Variants in C10orf90 observed in about 807,000 individuals in gnomAD.
The protein encoded by C10orf90 is (E2-independent) E3 ubiquitin-conjugating enzyme FATS.
A neutral mutation model predicts 62.5 loss-of-function variants in C10orf90; 56 were observed. The ratio of observed to expected loss-of-function variants is 0.90; its 90% confidence interval spans 0.72 to 1.12. The LOEUF (loss-of-function observed/expected upper bound fraction) is 1.12, where lower values mean the gene tolerates loss of function less well. Ranked by LOEUF, C10orf90 falls within the 50% of genes most tolerant of loss-of-function variation. C10orf90 has a pLI of 0.00. For missense variants in C10orf90, 970 were observed against 880.4 expected, an observed-to-expected ratio of 1.10 and a Z score of -1.29; for synonymous variants, 386 against 340.4, an observed-to-expected ratio of 1.13 and a Z score of -1.47.
chr10:126,641,597 A>G (rs2133844246), intron 2 of C10orf90, among the ~76,000 whole-genome samples: 1 of 152,154 alleles, frequency 6.6e-6, no homozygotes, highest in Admixed American at 6.5e-5. Context: ...GCTGAACTAG[A>G]CACCTGACTT....
rs575203781 is a variant in C10orf90, at chr10:126,534,144, A to G, written c.314-20205T>C. On this transcript the variant is annotated intron_variant, in intron 2 of 9. Transcript: ENST00000488181. ...AGGCTGAGGATTTCATCTTGCCCCA[A>G]TGAGATCAGCTTTCCTCGAGAACCC... Among the ~76,000 whole-genome samples, 10 of 152,334 alleles carry G rather than the reference A, an allele frequency of 6.6e-5. No individual in the cohort carries two copies. In the East Asian group the frequency reaches 1.2e-3, roughly 18 times the overall value.
intron 2 of C10orf90, among the ~76,000 whole-genome samples, chr10:126,528,117 G>T (rs1863997937): frequency 6.6e-6 from 1 of 152,156 alleles, no homozygotes; most frequent in Admixed American, 6.5e-5. Flanking sequence ...CAGCTCTCCT[G>T]CCAGGTCCCA....
At chr10:126,497,842 AAACAGGC>A (rs1591015298) in intron 4 of C10orf90, among the ~76,000 whole-genome samples, 1 of 152,184 alleles carries the variant, frequency 6.6e-6, no homozygotes, top group East Asian at 1.9e-4. Context: ...CTATTTACAA[AAACAGGC>A]AGCAGGCTGG....
chr10:126,602,635 G>A (rs1845220698), intron 2 of C10orf90, among the ~76,000 whole-genome samples: 1 of 152,120 alleles, frequency 6.6e-6, no homozygotes, highest in Non-Finnish European at 1.5e-5. Context: ...ATAACCACAC[G>A]AGTGCTTTGA....
intron 2 of C10orf90, among the ~76,000 whole-genome samples, chr10:126,620,465 T>A (rs1338088071): frequency 6.6e-6 from 1 of 152,224 alleles, no homozygotes; most frequent in Non-Finnish European, 1.5e-5. Context: ...TTTAAAATAT[T>A]AAAATTCACG....
intron 7 of C10orf90, among the ~76,000 whole-genome samples, chr10:126,444,735 T>G (rs560040224): frequency 6.6e-6 from 1 of 151,834 alleles, no homozygotes; most frequent in South Asian, 2.1e-4. Context: ...GCAAAACAAA[T>G]AAATCTGGAG....
intron 7 of C10orf90, among the ~76,000 whole-genome samples, chr10:126,455,635 A>G (rs190656684): frequency 3.7e-4 from 56 of 152,320 alleles, no homozygotes; most frequent in East Asian, 1.4e-3. Flanking sequence ...AGACTTACGC[A>G]TTGTATTTAT....
At chr10:126,567,830 G>A (rs1208567913) in intron 2 of C10orf90, among the ~76,000 whole-genome samples, 1 of 152,166 alleles carries the variant, frequency 6.6e-6, no homozygotes, top group East Asian at 1.9e-4. Flanking sequence ...GTTTCCAAGG[G>A]AGAAGAAGCC....
rs542385507 is a variant in C10orf90, at chr10:126,501,209, C to A, written c.1534+2748G>T. Among the ~76,000 whole-genome samples, 13 of 152,326 alleles carry A rather than the reference C, an allele frequency of 8.5e-5. No individual in the cohort carries two copies. The South Asian group carries it at 1.5e-3, about 17-fold the overall frequency. On this transcript the variant is annotated intron_variant, in intron 4 of 9. Coordinates refer to ENST00000488181, the MANE Select transcript of C10orf90 (RefSeq NM_001350921.2). ...AGGTTTTGTGGAATCTGAAGGTCAG[C>A]AAGCTCACCCTCCACACGTTGTGCA...
intron 2 of C10orf90, among the ~76,000 whole-genome samples, chr10:126,603,354 C>T (rs181478426): frequency 2.0e-5 from 3 of 152,090 alleles, no homozygotes; most frequent in Admixed American, 6.5e-5. Flanking sequence ...AACCATCAGA[C>T]CTTGTGAGAA....
chr10:126,474,307 G>C (rs891254984), intron 4 of C10orf90, among the ~76,000 whole-genome samples: 13 of 152,306 alleles, frequency 8.5e-5, no homozygotes, highest in African/African-American at 2.9e-4. Flanking sequence ...GGCCCATCAA[G>C]TCTCCACTCT....
At chr10:126,594,443 G>A (rs1464721689) in intron 2 of C10orf90, among the ~76,000 whole-genome samples, 1 of 152,126 alleles carries the variant, frequency 6.6e-6, no homozygotes, top group Non-Finnish European at 1.5e-5. Context: ...CCTGAGTTAT[G>A]TGACTCACTT....
At position 126,575,746 on chromosome 10, in the gene C10orf90, A is replaced by C. The variant is rs549729716; in HGVS notation, c.314-61807T>G. On this transcript the variant is annotated intron_variant, in intron 2 of 9. Coordinates refer to ENST00000488181, the MANE Select transcript of C10orf90 (RefSeq NM_001350921.2). Reference sequence around the variant, plus strand: ...ATAAAAACAGATACATAGACCCATGAAACAATAGAGAACCCAGAAATTAAT... The same window carrying C: ...ATAAAAACAGATACATAGACCCATGCAACAATAGAGAACCCAGAAATTAAT... 2.0e-4 allele frequency among the ~76,000 whole-genome samples: 31 copies of C among 152,170 alleles called. 1 individual carries two copies. The highest frequency in any genetic ancestry group is 7.2e-4 in the African/African-American group (30 of 41,570).
intron 2 of C10orf90, among the ~76,000 whole-genome samples, chr10:126,565,437 TAC>T (rs71032507): frequency 0.62 from 44,737 of 71,956 alleles, 12,182 homozygotes; most frequent in Middle Eastern, 0.7. Context: ...ATATATATTA[TAC>T]ACACACACAC....
chr10:126,536,275 G>A (rs1189419672), intron 2 of C10orf90, among the ~76,000 whole-genome samples: 1 of 152,194 alleles, frequency 6.6e-6, no homozygotes, highest in Non-Finnish European at 1.5e-5. Flanking sequence ...AGGTCGCGGA[G>A]GAGGGTAAGG....
At chr10:126,548,587 G>A (rs1430337161) in intron 2 of C10orf90, among the ~76,000 whole-genome samples, 2 of 151,948 alleles carry the variant, frequency 1.3e-5, no homozygotes, top group Non-Finnish European at 2.9e-5. Context: ...GGATGGTCTC[G>A]ATCTCCTGAC....
chr10:126,606,242 AATG>A (rs756414235), intron 2 of C10orf90, among the ~76,000 whole-genome samples: 5 of 152,186 alleles, frequency 3.3e-5, no homozygotes, highest in Admixed American at 6.5e-5. Flanking sequence ...GGAGATGTGA[AATG>A]ATATTAAAGA....
chr10:126,588,223 G>A (rs970785856), intron 2 of C10orf90, among the ~76,000 whole-genome samples: 1 of 152,218 alleles, frequency 6.6e-6, no homozygotes, highest in Non-Finnish European at 1.5e-5. Context: ...TCCCCAGGGG[G>A]AAGGGTGACG....
rs1326712747 is a variant in C10orf90, at chr10:126,564,840, ATAT to A, written c.314-50904_314-50902del. ...AATAAGACTCTCTCTCTCTATATAT[ATAT>A]TATATATTATATAAAATATATATTA... On this transcript the variant is annotated intron_variant, in intron 2 of 9. Coordinates refer to ENST00000488181, the MANE Select transcript of C10orf90 (RefSeq NM_001350921.2). Among the ~76,000 whole-genome samples the A allele has an allele frequency of 1.6e-3, 5 of 3,068 alleles. 2 individuals carry two copies. Among genetic ancestry groups the A allele is most frequent in the East Asian group, 0.11 (2 of 18 alleles). The allele number at this position is 3,068 out of a possible 152,430, so 2.0% of individuals were successfully genotyped here.
Sources: allele counts gnomAD v4.1 joint callset (sites outside exome capture counted in the v4.1 genomes callset), GRCh38; gene constraint gnomAD v4.1.1; transcripts MANE v1.5; gene names NCBI Gene and HGNC (gene_info 2026-07-23, HGNC 2026-07-21).